RUNX2: variants seen among roughly 807,000 people sequenced by gnomAD.
The protein encoded by RUNX2 is RUNX family transcription factor 2, also known as runt-related transcription factor 2.
RUNX2 carries 10 observed loss-of-function variants against 51.7 expected under a neutral mutation model. That is an observed-to-expected ratio of 0.19 (90% CI 0.12 to 0.33). RUNX2 has a LOEUF of 0.33. Ranked by LOEUF, RUNX2 falls within the 10% of genes least tolerant of loss-of-function variation. The pLI, the probability that RUNX2 is intolerant of heterozygous loss-of-function variation, is 1.00. For synonymous variants in RUNX2, 276 were observed against 273.6 expected (o/e 1.01, Z -0.09); for missense variants, 562 against 691.3 (o/e 0.81, Z 2.10).
At chr6:45,545,321 G>T (rs1282228831) in intron 8 of RUNX2, 39 bp downstream of exon 8, 1 of 1,545,820 alleles carries the variant, frequency 6.5e-7, no homozygotes. Flanking sequence ...GCAGGGCTGG[G>T]CTGGGCTGGG....
intron 5 of RUNX2, among the ~76,000 whole-genome samples, chr6:45,478,707 T>C (rs920878530): frequency 7.2e-5 from 11 of 152,104 alleles, no homozygotes; most frequent in African/African-American, 2.4e-4. Flanking sequence ...CATAGCTTTA[T>C]TGATTCTTAG....
intron 2 of RUNX2, among the ~76,000 whole-genome samples, chr6:45,342,687 C>T (rs1790046376): frequency 6.6e-6 from 1 of 151,918 alleles, no homozygotes; most frequent in Non-Finnish European, 1.5e-5. Context: ...CAATATTTTT[C>T]AATTAAAAAC....
At chr6:45,483,525 T>C (rs2150401428) in intron 5 of RUNX2, among the ~76,000 whole-genome samples, 1 of 152,348 alleles carries the variant, frequency 6.6e-6, no homozygotes, top group South Asian at 2.1e-4. Context: ...GGGCTCTCAG[T>C]CAAGTCTAGG....
At chr6:45,383,455 T>C (rs1245581385) in intron 2 of RUNX2, among the ~76,000 whole-genome samples, 1 of 152,040 alleles carries the variant, frequency 6.6e-6, no homozygotes, top group Non-Finnish European at 1.5e-5. Flanking sequence ...AATAAATAAG[T>C]TCTTAAGGAA....
intron 2 of RUNX2, among the ~76,000 whole-genome samples, chr6:45,338,209 A>G (rs1788990962): frequency 6.6e-6 from 1 of 152,138 alleles, no homozygotes; most frequent in East Asian, 1.9e-4. Context: ...AATAATTCAC[A>G]ATATTATGCT....
intron 7 of RUNX2, among the ~76,000 whole-genome samples, chr6:45,531,550 C>T (rs1009892417): frequency 1.3e-5 from 2 of 152,050 alleles, no homozygotes; most frequent in Non-Finnish European, 2.9e-5. Context: ...GTCAAGAGAT[C>T]GAGACCATCC....
At chr6:45,485,591 T>C (rs1800248100) in intron 5 of RUNX2, among the ~76,000 whole-genome samples, 1 of 151,398 alleles carries the variant, frequency 6.6e-6, no homozygotes, top group African/African-American at 2.4e-5. Context: ...TATAAAGTGG[T>C]TTGAAGAATG....
chr6:45,341,406 A>G (rs1375746790), intron 2 of RUNX2, among the ~76,000 whole-genome samples: 1 of 152,210 alleles, frequency 6.6e-6, no homozygotes, highest in African/African-American at 2.4e-5. Flanking sequence ...TTCTGCACCT[A>G]TATTTAACTT....
intron 2 of RUNX2, among the ~76,000 whole-genome samples, chr6:45,385,272 T>G (rs974009598): frequency 9.2e-5 from 14 of 152,310 alleles, no homozygotes; most frequent in African/African-American, 3.4e-4. Flanking sequence ...CGGTTAGGAT[T>G]GGTTTGAACC....
chr6:45,458,860 G>T (rs1344568576), intron 5 of RUNX2, among the ~76,000 whole-genome samples: 1 of 152,118 alleles, frequency 6.6e-6, no homozygotes, highest in Non-Finnish European at 1.5e-5. Context: ...TGGTTTCAGA[G>T]GGCAAATGTT....
intron 5 of RUNX2, among the ~76,000 whole-genome samples, chr6:45,485,720 C>CAT (rs1800265163): frequency 1.6e-5 from 1 of 62,808 alleles, no homozygotes; most frequent in African/African-American, 5.6e-5. Flanking sequence ...TATATATACA[C>CAT]ATATTTAGCA....
At chr6:45,532,099 T>C (rs1343459744) in intron 7 of RUNX2, among the ~76,000 whole-genome samples, 3 of 152,040 alleles carry the variant, frequency 2.0e-5, no homozygotes, top group African/African-American at 7.2e-5. Flanking sequence ...ACAATTACAT[T>C]TTTTTAGTTT....
At chr6:45,412,715 G>A (rs1212207371) in intron 2 of RUNX2, among the ~76,000 whole-genome samples, 1 of 151,462 alleles carries the variant, frequency 6.6e-6, no homozygotes, top group African/African-American at 2.4e-5. Context: ...CTTCATAGTG[G>A]CACTGGTGGG....
intron 5 of RUNX2, among the ~76,000 whole-genome samples, chr6:45,451,999 A>G (rs1265137950): frequency 6.6e-6 from 1 of 152,232 alleles, no homozygotes; most frequent in South Asian, 2.1e-4. Context: ...GACCAAAAAG[A>G]GAAACAGATC....
At chr6:45,483,351 C>CTT (rs5875923) in intron 5 of RUNX2, among the ~76,000 whole-genome samples, 11 of 149,028 alleles carry the variant, frequency 7.4e-5, no homozygotes, top group Non-Finnish European at 1.5e-4. Flanking sequence ...CAATAACCAG[C>CTT]TTTTTTTTTT....
chr6:45,521,588 C>T (rs909177561), intron 7 of RUNX2, among the ~76,000 whole-genome samples: 3 of 152,204 alleles, frequency 2.0e-5, no homozygotes, highest in African/African-American at 7.2e-5. Flanking sequence ...ATTATGTTAA[C>T]TAATCTGTAA....
intron 2 of RUNX2, among the ~76,000 whole-genome samples, chr6:45,342,703 A>C (rs960253372): frequency 1.3e-5 from 2 of 152,084 alleles, no homozygotes; most frequent in Non-Finnish European, 2.9e-5. Context: ...AAAACCATCA[A>C]TACATAAAAT....
In RUNX2 at chr6:45,512,338, A is replaced by G. The variant is rs761391105; in HGVS notation, c.952A>G (p.Thr318Ala). Residue 318 changes from threonine (T) to alanine (A), a missense_variant, in exon 7 of 9, where the codon ACC (threonine) becomes GCC (alanine). Physicochemically the swap from Thr to Ala is moderately conservative, Grantham distance 58. This residue lies in a region of RUNX2 where 304 missense variants were observed against 353.2 expected (regional missense o/e 0.86). Coordinates refer to ENST00000647337, the MANE Select transcript of RUNX2 (RefSeq NM_001024630.4). Reference protein sequence around the residue: ...SQMTSPSIHSTTPLSSTRGTG... With the variant: ...SQMTSPSIHSATPLSSTRGTG... Reference sequence around the variant, plus strand: ...GATGACGTCCCCGTCCATCCACTCTACCACCCCGCTGTCTTCCACACGGGG... The same window carrying G: ...GATGACGTCCCCGTCCATCCACTCTGCCACCCCGCTGTCTTCCACACGGGG... The G allele has an allele frequency of 6.2e-7, 1 of 1,614,002 alleles. No individual in the cohort carries two copies. The highest frequency in any genetic ancestry group is 1.7e-5 in the Admixed American group (1 of 60,008).
intron 2 of RUNX2, among the ~76,000 whole-genome samples, chr6:45,358,451 T>G (rs1231163608): frequency 6.6e-6 from 1 of 152,194 alleles, no homozygotes; most frequent in Non-Finnish European, 1.5e-5. Flanking sequence ...AAATCCTTTC[T>G]TCTCTATAAT....
Sources: allele counts gnomAD v4.1 joint callset (sites outside exome capture counted in the v4.1 genomes callset), GRCh38; gene constraint gnomAD v4.1.1; regional missense constraint gnomAD v4.1.1; transcripts MANE v1.5; gene names NCBI Gene and HGNC (gene_info 2026-07-23, HGNC 2026-07-21).